DSE: variants seen among roughly 807,000 people sequenced by gnomAD.
The protein encoded by DSE is dermatan sulfate epimerase.
DSE carries 36 observed loss-of-function variants against 84.4 expected under a neutral mutation model. The observed-to-expected ratio is 0.43, with a 90% CI of 0.33 to 0.56. DSE has a LOEUF of 0.56. Ranked by LOEUF, DSE falls within the 20% of genes least tolerant of loss-of-function variation. The pLI, the probability that DSE is intolerant of heterozygous loss-of-function variation, is 0.06. For missense variants in DSE, 862 were observed against 1,169.6 expected, an observed-to-expected ratio of 0.74 and a Z score of 3.84; for synonymous variants, 410 against 430.1, an observed-to-expected ratio of 0.95 and a Z score of 0.58.
intron 2 of DSE, among the ~76,000 whole-genome samples, chr6:116,348,956 C>A (rs1778157496): frequency 6.6e-6 from 1 of 150,944 alleles, no homozygotes; most frequent in Non-Finnish European, 1.5e-5. Flanking sequence ...TGGGGAACAT[C>A]ACACACCAGG....
intron 5 of DSE, among the ~76,000 whole-genome samples, chr6:116,434,590 C>T (rs1182654768): frequency 6.6e-6 from 1 of 152,122 alleles, no homozygotes; most frequent in Non-Finnish European, 1.5e-5. Context: ...ATTAATAGGT[C>T]AGATTAATGC....
chr6:116,375,072 C>T (rs1205963270), intron 1 of DSE, among the ~76,000 whole-genome samples: 1 of 152,162 alleles, frequency 6.6e-6, no homozygotes, highest in Non-Finnish European at 1.5e-5. Context: ...ATTCTTTATA[C>T]CTCAAGTTGG....
chr6:116,399,245 G>A lies in DSE; in HGVS notation c.-6G>A, dbSNP rs760124436. 6.2e-7 allele frequency: 1 copy of A among 1,613,502 alleles called. No individual in the cohort carries two copies. Among genetic ancestry groups the A allele is most frequent in the Non-Finnish European group, 8.5e-7 (1 of 1,180,028 alleles). ...TGCCTTGGAGATTTGGAGATCTGAT[G>A]CCACGATGAGGACTCACACACGGGG... On this transcript the variant is annotated 5_prime_UTR_variant, in exon 2 of 6. The change abolishes an upstream ATG in the 5' untranslated region. Coordinates refer to ENST00000644252, the MANE Select transcript of DSE (RefSeq NM_013352.4).
intron 2 of DSE, among the ~76,000 whole-genome samples, chr6:116,409,154 A>G (rs1405503586): frequency 6.6e-6 from 1 of 152,216 alleles, no homozygotes; most frequent in African/African-American, 2.4e-5. Flanking sequence ...GTTAACTATT[A>G]TTGTTATCTT....
chr6:116,327,032 C>T (rs1339540794), intron 2 of DSE, among the ~76,000 whole-genome samples: 4 of 152,176 alleles, frequency 2.6e-5, no homozygotes, highest in African/African-American at 9.7e-5. Context: ...TTCAGGCCTT[C>T]TGTAGAAGCC....
chr6:116,348,165 C>T (rs565535771), intron 2 of DSE, among the ~76,000 whole-genome samples: 8 of 152,262 alleles, frequency 5.3e-5, no homozygotes, highest in Non-Finnish European at 7.4e-5. Flanking sequence ...CGGTGGCTCA[C>T]GCCTGTAATC....
At chr6:116,338,203 A>C (rs1305466233) in intron 2 of DSE, among the ~76,000 whole-genome samples, 3 of 118,676 alleles carry the variant, frequency 2.5e-5, no homozygotes, top group Non-Finnish European at 3.5e-5. Flanking sequence ...CTTTCTTCTT[A>C]CCTTCTTTCT....
chr6:116,295,007 G>A (rs558524458), intron 2 of DSE, among the ~76,000 whole-genome samples: 1 of 152,146 alleles, frequency 6.6e-6, no homozygotes, highest in Non-Finnish European at 1.5e-5. Flanking sequence ...TCATGCCCTC[G>A]AGAGACTGCC....
chr6:116,314,580 C>T lies in DSE; in HGVS notation c.-54+55613C>T, dbSNP rs117899399. ...CTCCTGTAAGTTTTCTAAGTTTCAT[C>T]TGGCTCTAAAATGCTTTAAAATAAT... On this transcript the variant is annotated intron_variant, in intron 2 of 3. Coordinates refer to the DSE transcript ENST00000430252. Among the ~76,000 whole-genome samples, 482 of 152,284 alleles carry T rather than the reference C, an allele frequency of 3.2e-3. 2 individuals are homozygous for T. Among genetic ancestry groups the T allele is most frequent in the Non-Finnish European group, 6.1e-3 (417 of 68,018 alleles).
chr6:116,259,061 G>C (rs753626334), intron 2 of DSE: 3 of 1,550,908 alleles, frequency 1.9e-6, no homozygotes, highest in Non-Finnish European at 8.9e-7. Context: ...TTCCCAAAGA[G>C]CTTGATGTCT....
At chr6:116,420,464 A>G (rs1782998399) in intron 2 of DSE, among the ~76,000 whole-genome samples, 1 of 152,220 alleles carries the variant, frequency 6.6e-6, no homozygotes. Flanking sequence ...TCCCCACACC[A>G]TACATCTAGG....
At chr6:116,317,397 C>T (rs560313987) in intron 2 of DSE, among the ~76,000 whole-genome samples, 1 of 152,284 alleles carries the variant, frequency 6.6e-6, no homozygotes, top group African/African-American at 2.4e-5. Flanking sequence ...CTAGAGATTC[C>T]GGGAAGTTAC....
At chr6:116,267,617 T>C (rs1183413318) in intron 2 of DSE, among the ~76,000 whole-genome samples, 1 of 152,168 alleles carries the variant, frequency 6.6e-6, no homozygotes, top group Non-Finnish European at 1.5e-5. Flanking sequence ...AATTTATTAT[T>C]GGAGAAAGAA....
intron 2 of DSE, among the ~76,000 whole-genome samples, chr6:116,305,105 C>A (rs1174855603): frequency 6.6e-6 from 1 of 152,076 alleles, no homozygotes; most frequent in Non-Finnish European, 1.5e-5. Context: ...TGTCACTCCA[C>A]TAAATGGTCC....
At chr6:116,279,005 G>T (rs1280120272) in intron 2 of DSE, 6 of 1,613,948 alleles carry the variant, frequency 3.7e-6, no homozygotes, top group African/African-American at 1.3e-5. Context: ...CAGAAGCCCG[G>T]GATATTCTGA....
At chr6:116,415,399 C>T (rs577401699) in intron 2 of DSE, among the ~76,000 whole-genome samples, 4 of 152,238 alleles carry the variant, frequency 2.6e-5, no homozygotes, top group East Asian at 3.9e-4. Context: ...TTTGAAATTA[C>T]GGGATGATGT....
intron 1 of DSE, among the ~76,000 whole-genome samples, chr6:116,393,556 A>C (rs1306208031): frequency 6.6e-6 from 1 of 152,226 alleles, no homozygotes; most frequent in Non-Finnish European, 1.5e-5. Context: ...TGCTAAGTGC[A>C]TCACACATGT....
chr6:116,298,412 A>G (rs755252125), intron 2 of DSE, among the ~76,000 whole-genome samples: 7 of 152,232 alleles, frequency 4.6e-5, no homozygotes, highest in Non-Finnish European at 1.0e-4. Context: ...AGGGAGGCAG[A>G]AGAGATCAGA....
intron 2 of DSE, among the ~76,000 whole-genome samples, chr6:116,315,611 C>A (rs1296979486): frequency 6.6e-6 from 1 of 152,166 alleles, no homozygotes; most frequent in East Asian, 1.9e-4. Context: ...TACTCTAAAG[C>A]ACCGTGTTAT....
Sources: allele counts gnomAD v4.1 joint callset (sites outside exome capture counted in the v4.1 genomes callset), GRCh38; gene constraint gnomAD v4.1.1; transcripts MANE v1.5; gene names NCBI Gene and HGNC (gene_info 2026-07-23, HGNC 2026-07-21).